CLIC2: variants seen among roughly 807,000 people sequenced by gnomAD.
CLIC2 encodes CLIC family member 2, also known as chloride intracellular channel protein 2.
A neutral mutation model predicts 14.8 loss-of-function variants in CLIC2; 9 were observed. The observed-to-expected ratio is 0.61, with a 90% CI of 0.37 to 1.06. CLIC2 has a LOEUF of 1.06. Among genes scored for constraint, CLIC2 ranks in the 50% least tolerant of loss-of-function variants. The pLI is 0.01. For synonymous variants in CLIC2, 61 were observed against 66.3 expected (o/e 0.92, Z 0.39); for missense variants, 148 against 181.4 (o/e 0.82, Z 1.06).
intron 3 of CLIC2, among the ~76,000 whole-genome samples, chrX:155,294,936 T>C (rs2074987346): frequency 9.0e-6 from 1 of 111,245 alleles, no homozygotes; most frequent in South Asian, 3.7e-4. Flanking sequence ...ACTGACAAAT[T>C]CTACCAGAAG....
intron 1 of CLIC2, chrX:155,309,736 G>A (rs111551113): frequency 0.016 from 1,891 of 116,936 alleles, 51 homozygotes; most frequent in African/African-American, 0.059. Context: ...GGGGGAAACT[G>A]TCCCCATGAT....
intron 1 of CLIC2, among the ~76,000 whole-genome samples, chrX:155,325,918 C>T (rs1426926922): frequency 1.4e-4 from 15 of 104,554 alleles, no homozygotes; most frequent in Non-Finnish European, 2.0e-5. Context: ...TGAAGTAACT[C>T]AGGAATGGAA....
chrX:155,292,293 C>T, intron 3 of CLIC2: 3 of 570,748 alleles, frequency 5.3e-6, no homozygotes, highest in Non-Finnish European at 9.6e-6. Context: ...AATGTCATTA[C>T]TGAAACTCAA....
chrX:155,324,308 A>AACAC (rs1334439660), intron 1 of CLIC2, among the ~76,000 whole-genome samples: 1 of 108,898 alleles, frequency 9.2e-6, no homozygotes, highest in Non-Finnish European at 1.9e-5. Flanking sequence ...ACAAAAAACA[A>AACAC]AAACAAACAA....
chrX:155,308,982 C>G (rs782413585), intron 1 of CLIC2, among the ~76,000 whole-genome samples: 1 of 111,770 alleles, frequency 8.9e-6, no homozygotes, highest in South Asian at 3.7e-4. Context: ...ATAAAACTCA[C>G]AGAAAAACAC....
intron 3 of CLIC2, among the ~76,000 whole-genome samples, chrX:155,296,298 G>C (rs2074991771): frequency 9.0e-6 from 1 of 111,652 alleles, no homozygotes; most frequent in Admixed American, 9.5e-5. Flanking sequence ...TGGGAAAATT[G>C]GACAGCCATA....
At chrX:155,325,212 G>A (rs782220726) in intron 1 of CLIC2, among the ~76,000 whole-genome samples, 4 of 111,713 alleles carry the variant, frequency 3.6e-5, no homozygotes, top group Admixed American at 9.5e-5. Context: ...ATTCCTCAAG[G>A]ATCTAGAATC....
chrX:155,291,763 T>C (rs782129820), intron 3 of CLIC2, among the ~76,000 whole-genome samples: 2 of 112,556 alleles, frequency 1.8e-5, no homozygotes, highest in East Asian at 2.8e-4. Context: ...TAAGTATCAA[T>C]GAGATGTCAC....
At chrX:155,283,531 T>C (rs782569227) in intron 3 of CLIC2, among the ~76,000 whole-genome samples, 7 of 111,690 alleles carry the variant, frequency 6.3e-5, no homozygotes, top group Admixed American at 9.5e-5. Flanking sequence ...CTGCGCCCAT[T>C]AGGTATATCT....
At chrX:155,299,762 T>A (rs1369555773) in intron 1 of CLIC2, among the ~76,000 whole-genome samples, 6 of 79,949 alleles carry the variant, frequency 7.5e-5, no homozygotes, top group Non-Finnish European at 1.4e-4. Context: ...GAGTGTGATA[T>A]TCCCCTTCCT....
In CLIC2 at chrX:155,279,461, G is replaced by C. The variant is rs2074910652; in HGVS notation, c.401-131C>G. 6.1e-6 allele frequency: 3 copies of C among 492,202 alleles called. No individual in the cohort carries two copies. In the South Asian group the frequency reaches 9.2e-5, roughly 15 times the overall value. The allele number at this position is 492,202 out of a possible 1,213,427, so 40.6% of individuals were successfully genotyped here. Reference sequence around the variant, plus strand: ...ACTTACACTGGCTCTTCAATATCTAGTTAACTATTTAGAATGCTCAGCTAC... The same window carrying C: ...ACTTACACTGGCTCTTCAATATCTACTTAACTATTTAGAATGCTCAGCTAC... On this transcript the variant is annotated intron_variant, in intron 4 of 5. Transcript: ENST00000369449.
intron 3 of CLIC2, among the ~76,000 whole-genome samples, chrX:155,281,226 G>A (rs1375886363): frequency 2.8e-5 from 3 of 108,543 alleles, no homozygotes; most frequent in Admixed American, 1.0e-4. Flanking sequence ...GGAGGAAAGA[G>A]GGAGATGTAG....
intron 1 of CLIC2, among the ~76,000 whole-genome samples, chrX:155,305,449 C>A (rs1295033592): frequency 1.8e-5 from 2 of 112,305 alleles, no homozygotes; most frequent in Non-Finnish European, 3.8e-5. Context: ...ACGGTGCACG[C>A]ACCCACTGAC....
chrX:155,320,222 GCCT>G (rs1290166010), intron 1 of CLIC2, among the ~76,000 whole-genome samples: 1 of 112,391 alleles, frequency 8.9e-6, no homozygotes, highest in Non-Finnish European at 1.9e-5. Flanking sequence ...GGGACAGACT[GCCT>G]CCTCAAGTGG....
At chrX:155,282,114 G>T (rs899010693) in intron 3 of CLIC2, among the ~76,000 whole-genome samples, 10 of 111,326 alleles carry the variant, frequency 9.0e-5, no homozygotes, top group Non-Finnish European at 1.9e-4. Flanking sequence ...ATTCAAATAG[G>T]CCTGGAAAGC....
intron 1 of CLIC2, among the ~76,000 whole-genome samples, chrX:155,323,171 C>T (rs1360225738): frequency 2.7e-5 from 3 of 111,994 alleles, no homozygotes; most frequent in African/African-American, 9.7e-5. Flanking sequence ...TCCTCCCTAA[C>T]TCATTTTATG....
In CLIC2 at chrX:155,277,935, T is replaced by C; in HGVS notation, c.712A>G (p.Thr238Ala). 2 of 1,210,259 alleles carry C rather than the reference T, an allele frequency of 1.7e-6. No individual in the cohort carries two copies. The highest frequency in any genetic ancestry group is 2.2e-6 in the Non-Finnish European group (2 of 893,997). Residue 238 changes from threonine (T) to alanine (A), a missense_variant, in exon 6 of 6, where the codon ACT becomes GCT. By Grantham distance (58) the Thr-to-Ala change is moderately conservative (BLOSUM62 0). Transcript: ENST00000369449. Reference sequence around the variant, plus strand: ...TTCTGTTTAGCCACATTTGCGTAAGTATTTTCAATTTCTTTGTCTTCAGGA... The same window carrying C: ...TTCTGTTTAGCCACATTTGCGTAAGCATTTTCAATTTCTTTGTCTTCAGGA... ...TCPEDKEIEN[T>A]YANVAKQKS
intron 1 of CLIC2, among the ~76,000 whole-genome samples, chrX:155,305,376 G>A (rs2075050782): frequency 8.9e-6 from 1 of 112,535 alleles, no homozygotes; most frequent in African/African-American, 3.2e-5. Context: ...ACTCAGAAAG[G>A]GAACTCCCTG....
At chrX:155,293,804 A>T (rs181175126) in intron 3 of CLIC2, among the ~76,000 whole-genome samples, 81 of 111,811 alleles carry the variant, frequency 7.2e-4, no homozygotes, top group Non-Finnish European at 8.8e-4. Context: ...AAAAAAGTGA[A>T]AAAAGGACTA....
Sources: gnomAD v4.1 joint callset for allele counts (sites outside exome capture counted in the v4.1 genomes callset) on GRCh38, gnomAD v4.1.1 for gene constraint, MANE v1.5 for transcripts, NCBI Gene and HGNC (gene_info 2026-07-23, HGNC 2026-07-21) for gene names.